Variants in ADCY6 observed in about 807,000 individuals in gnomAD.
ADCY6 encodes adenylate cyclase 6.
In ADCY6, 59 loss-of-function variants were observed where a neutral mutation model predicts 111.6. The ratio of observed to expected loss-of-function variants is 0.53; its 90% CI spans 0.43 to 0.66. The LOEUF (loss-of-function observed/expected upper bound fraction) is 0.66. Among genes scored for constraint, ADCY6 ranks in the 30% least tolerant of loss-of-function variants. ADCY6 has a pLI of 0.00. For synonymous variants in ADCY6, 576 were observed against 642.9 expected (o/e 0.90, Z 1.57); for missense variants, 1,242 against 1,595.6 (o/e 0.78, Z 3.78).
Position 48,782,444 on chromosome 12 carries a change from G to T in ADCY6, c.864+127C>A. Reference sequence around the variant, plus strand: ...CCTCCTGCTCCTCCTCCCAGATACAGCCAGACATCCCTGCACCCAGCTTCC... The same window carrying T: ...CCTCCTGCTCCTCCTCCCAGATACATCCAGACATCCCTGCACCCAGCTTCC... On this transcript the variant is annotated intron_variant, in intron 2 of 21. Transcript: ENST00000357869. The surrounding 1 kb of genome is among the most constrained non-coding windows in gnomAD (Gnocchi z 4.3). The T allele has an allele frequency of 6.9e-7, 1 of 1,446,050 alleles. No homozygotes were observed. Among genetic ancestry groups the T allele is most frequent in the Non-Finnish European group, 9.1e-7 (1 of 1,096,852 alleles). 89.6% of individuals were successfully genotyped at this position (1,446,050 alleles called of 1,614,324 possible). A position where few individuals can be genotyped will look rare whatever the true frequency, so the allele number is the denominator to read the frequency against.
chr12:48,788,261 C>T (rs1280644041), intron 1 of ADCY6, among the ~76,000 whole-genome samples: 2 of 152,206 alleles, frequency 1.3e-5, no homozygotes, highest in African/African-American at 4.8e-5. Flanking sequence ...CTTTACTATG[C>T]AACCCCCACC....
intron 2 of ADCY6, 109 bp from the exon 3 acceptor site, chr12:48,778,366 T>C: frequency 1.1e-5 from 16 of 1,409,334 alleles, no homozygotes; most frequent in Non-Finnish European, 1.5e-5. Flanking sequence ...GAAGCCAGGG[T>C]CCTGCACCCT....
In ADCY6 at chr12:48,771,874, G is replaced by T; in HGVS notation, c.2887C>A (p.Arg963=). 1 of 1,614,140 alleles carries T rather than the reference G, an allele frequency of 6.2e-7. No homozygotes were observed. The highest frequency in any genetic ancestry group is 8.5e-7 in the Non-Finnish European group (1 of 1,180,042). Residue 963 remains arginine (R), a synonymous_variant, in exon 19 of 22, where the codon CGG becomes AGG. Transcript: ENST00000357869. This position sits in a 1 kb window ranked among gnomAD's most constrained non-coding sequence, Gnocchi z 4.3. ...PKDVAAHFLA[R]ERRNDELYYQ... is the part of the protein sequence containing the mutation. Reference sequence around the variant, plus strand: ...TAGAGTTCATCATTGCGGCGCTCCCGGGCCAGGAAGTGGGCCGCCACGTCC... The same window carrying T: ...TAGAGTTCATCATTGCGGCGCTCCCTGGCCAGGAAGTGGGCCGCCACGTCC...
At chr12:48,773,775 C>T (rs760704832) in intron 15 of ADCY6, 128 bp from the exon 16 acceptor site, 7 of 1,440,044 alleles carry the variant, frequency 4.9e-6, no homozygotes, top group Non-Finnish European at 6.7e-6. Flanking sequence ...ATATCCTCCA[C>T]CTTCCATGCC....
chr12:48,773,899 G>C (rs1373455908), intron 15 of ADCY6, 41 bp downstream of exon 15: 1 of 1,604,904 alleles, frequency 6.2e-7, no homozygotes, highest in Non-Finnish European at 8.5e-7. Flanking sequence ...CAATGTCTGT[G>C]CCAGGACAGC....
In ADCY6 at chr12:48,788,901, C is replaced by A. The variant is rs1400415180; in HGVS notation, c.-5+5G>T. ...GCCACTTCCCCTAGCCCTCAGCGCGCTCACCTGCCGGCCCGGCTCCGCGCC... is the reference window on the plus strand; with the variant it reads ...GCCACTTCCCCTAGCCCTCAGCGCGATCACCTGCCGGCCCGGCTCCGCGCC... On this transcript the variant is annotated splice_donor_5th_base_variant and intron_variant, in intron 1 of 21. Coordinates refer to ENST00000357869, the MANE Select transcript of ADCY6 (RefSeq NM_015270.5). 1 of 150,530 alleles carries A rather than the reference C, an allele frequency of 6.6e-6. No individual in the cohort carries two copies. The highest frequency in any genetic ancestry group is 6.6e-5 in the Admixed American group (1 of 15,090). The allele number at this position is 150,530 out of a possible 1,614,324, so 9.3% of individuals were successfully genotyped here. A position where few individuals can be genotyped will look rare whatever the true frequency, so the allele number is the denominator to read the frequency against.
At chr12:48,769,296 C>T (rs1170597262) in intron 20 of ADCY6, among the ~76,000 whole-genome samples, 1 of 151,534 alleles carries the variant, frequency 6.6e-6, no homozygotes, top group Non-Finnish European at 1.5e-5. Context: ...GCCTGTAGTC[C>T]CAGCTACTTA....
Position 48,783,331 on chromosome 12 carries a change from G to A in ADCY6, c.104C>T (p.Ala35Val), listed in dbSNP as rs1481467261. The A allele has an allele frequency of 6.2e-7, 1 of 1,613,890 alleles. No homozygotes were observed. The highest frequency in any genetic ancestry group is 8.5e-7 in the Non-Finnish European group (1 of 1,179,984). Reference sequence around the variant, plus strand: ...ATAGCGGGGCGTGCAGAAGCCACCTGCCCGAGTGCCACGGCGCCGCGAACG... The same window carrying A: ...ATAGCGGGGCGTGCAGAAGCCACCTACCCGAGTGCCACGGCGCCGCGAACG... ...QKRSRRRGTR[A>V]GGFCTPRYMS... The change falls in exon 2 of 22, where the codon GCA becomes GTA. Residue 35 changes from alanine (A) to valine (V), a missense_variant. Ala to Val is a moderately conservative substitution (Grantham distance 64, BLOSUM62 0). This residue lies in a region of ADCY6 where 362 missense variants were observed against 377.2 expected (regional missense o/e 0.96). Transcript: ENST00000357869.
intron 12 of ADCY6, 31 bp downstream of exon 12, chr12:48,774,926 G>T (rs1941653734): frequency 6.5e-7 from 1 of 1,542,504 alleles, no homozygotes; most frequent in Non-Finnish European, 8.8e-7. Flanking sequence ...GGTGAAGAGA[G>T]AAGCTAAGAG....
chr12:48,776,083 C>T lies in ADCY6; in HGVS notation c.1686G>A (p.Glu562=), dbSNP rs1259951770. 6.2e-7 allele frequency: 1 copy of T among 1,613,784 alleles called. No homozygotes were observed. Among genetic ancestry groups the T allele is most frequent in the Non-Finnish European group, 8.5e-7 (1 of 1,179,808 alleles). ...ILGASQKRKE[E]KAMLAKLQRT... ...GCTGCAGCTTGGCCAGCATGGCCTT[C>T]TCCTCTTTCTGTGCGGGCAGCATGG... The change falls in exon 9 of 22, where the codon GAG becomes GAA. Residue 562 remains glutamate (E), a synonymous_variant. Coordinates refer to ENST00000357869, the MANE Select transcript of ADCY6 (RefSeq NM_015270.5). The surrounding 1 kb of genome is among the most constrained non-coding windows in gnomAD (Gnocchi z 6.1).
chr12:48,774,636 CCT>C (rs1262421862), intron 13 of ADCY6, 53 bp downstream of exon 13: 3 of 1,593,158 alleles, frequency 1.9e-6, no homozygotes, highest in Admixed American at 1.7e-5. Context: ...TGACCTCCTC[CCT>C]GTCTGGAGTC....
chr12:48,778,177 G>A lies in ADCY6; in HGVS notation c.945C>T (p.Arg315=). ...CTHYPAEVSQ[R]QAFQETRGYI... ...AACCGCGGGTCTCCTGAAAGGCCTG[G>A]CGCTGAGACACCTCTGCTGGATAGT... Residue 315 remains arginine (R), a synonymous_variant, in exon 3 of 22, where the codon CGC becomes CGT. Coordinates refer to ENST00000357869, the MANE Select transcript of ADCY6 (RefSeq NM_015270.5). The A allele has an allele frequency of 3.1e-6, 5 of 1,614,120 alleles. No individual in the cohort carries two copies. The highest frequency in any genetic ancestry group is 2.5e-6 in the Non-Finnish European group (3 of 1,180,028).
At chr12:48,775,555 G>A (rs538233309) in intron 10 of ADCY6, 105 bp from the exon 11 acceptor site, 2 of 1,577,784 alleles carry the variant, frequency 1.3e-6, no homozygotes, top group South Asian at 1.1e-5. Flanking sequence ...GGAGAGCCAG[G>A]GGGGTGGCTC....
chr12:48,771,103 T>C lies in ADCY6; in HGVS notation c.3052-133A>G, dbSNP rs549475954. 1 of 901,056 alleles carries C rather than the reference T, an allele frequency of 1.1e-6. No homozygotes were observed. Among genetic ancestry groups the C allele is most frequent in the South Asian group, 1.6e-5 (1 of 61,502 alleles). 55.8% of individuals were successfully genotyped at this position (901,056 alleles called of 1,614,324 possible). ...TCAAGAGCCCCCTTCCAGCTGCTGCTATCAGTGTAAGACTGAGGAGCTGGG... is the reference window on the plus strand; with the variant it reads ...TCAAGAGCCCCCTTCCAGCTGCTGCCATCAGTGTAAGACTGAGGAGCTGGG... On this transcript the variant is annotated intron_variant, in intron 19 of 21. Coordinates refer to ENST00000357869, the MANE Select transcript of ADCY6 (RefSeq NM_015270.5). This position sits in a 1 kb window ranked among gnomAD's most constrained non-coding sequence, Gnocchi z 4.3.
rs1377053829 is a variant in ADCY6, at chr12:48,783,245, G to A, written c.190C>T (p.Pro64Ser). The A allele has an allele frequency of 4.3e-6, 7 of 1,609,672 alleles. No homozygotes were observed. The South Asian group carries it at 7.7e-5, about 18-fold the overall frequency. Reference protein sequence around the residue: ...SPTPAGPPRCPWQDDAFIRRG... With the variant: ...SPTPAGPPRCSWQDDAFIRRG... ...CGGATGAAGGCGTCATCCTGCCAGG[G>A]GCACCGAGGGGGGCCCGCAGGGGTG... The change falls in exon 2 of 22, where the codon CCC becomes TCC. Residue 64 changes from proline (P) to serine (S), a missense_variant. Coordinates refer to ENST00000357869, the MANE Select transcript of ADCY6 (RefSeq NM_015270.5).
Position 48,768,580 on chromosome 12 carries a change from G to C in ADCY6, c.*11C>G, listed in dbSNP as rs1357094519. On this transcript the variant is annotated 3_prime_UTR_variant, in exon 22 of 22. Transcript: ENST00000357869. ...CTTGGTCCCTTCAGCTGAATTTGTG[G>C]CTGGGCCCTGTTAACTGCTGGGGCC... The C allele has an allele frequency of 1.2e-6, 2 of 1,613,982 alleles. No individual in the cohort carries two copies. The highest frequency in any genetic ancestry group is 4.5e-5 in the East Asian group (2 of 44,876).
Position 48,767,613 on chromosome 12 carries a change from G to T in ADCY6, c.*978C>A, listed in dbSNP as rs7961282. 13,499 of 152,716 alleles carry T rather than the reference G, an allele frequency of 0.088. 821 individuals are homozygous for T. The highest frequency in any genetic ancestry group is 0.18 in the African/African-American group (7,357 of 41,506). 9.5% of individuals were successfully genotyped at this position (152,716 alleles called of 1,614,324 possible). A position where few individuals can be genotyped will look rare whatever the true frequency, so the allele number is the denominator to read the frequency against. Reference sequence around the variant, plus strand: ...TTGGGAGGGCAGGTTTGGGATCAGGGTCACCTTTCTCCATGCCCTGACCCT... The same window carrying T: ...TTGGGAGGGCAGGTTTGGGATCAGGTTCACCTTTCTCCATGCCCTGACCCT... On this transcript the variant is annotated 3_prime_UTR_variant, in exon 22 of 22. Transcript: ENST00000357869.
rs757332282 is a variant in ADCY6 at position 48,777,598 on chromosome 12, TC to T, written c.1136+16del. The T allele has an allele frequency of 6.2e-7, 1 of 1,613,194 alleles. No homozygotes were observed. Among genetic ancestry groups the T allele is most frequent in the East Asian group, 2.2e-5 (1 of 44,884 alleles). On this transcript the variant is annotated intron_variant, in intron 4 of 21. Coordinates refer to ENST00000357869, the MANE Select transcript of ADCY6 (RefSeq NM_015270.5). This position sits in a 1 kb window ranked among gnomAD's most constrained non-coding sequence, Gnocchi z 4.9. ...AGACCCCCCGCCCTGCTGGGCATCC[TC>T]CTACCCTCACCCTACCTGACATTGT...
chr12:48,784,924 G>T (rs926740579), intron 1 of ADCY6, among the ~76,000 whole-genome samples: 1 of 152,030 alleles, frequency 6.6e-6, no homozygotes, highest in African/African-American at 2.4e-5. Flanking sequence ...AGCTAACAGT[G>T]ATAATCCTAA....
Sources: allele counts gnomAD v4.1 joint callset (sites outside exome capture counted in the v4.1 genomes callset), GRCh38; gene constraint gnomAD v4.1.1; regional missense constraint gnomAD v4.1.1; non-coding constraint Gnocchi (gnomAD v3.1); transcripts MANE v1.5; gene names NCBI Gene and HGNC (gene_info 2026-07-23, HGNC 2026-07-21).